The following ARHGAP15 variants were observed in gnomAD, a reference collection of about 807,000 sequenced individuals.
The protein encoded by ARHGAP15 is rho GTPase-activating protein 15.
A neutral mutation model predicts 63.7 loss-of-function variants in ARHGAP15; 51 were observed. That is an observed-to-expected ratio of 0.80 (90% CI 0.64 to 1.01). The LOEUF is 1.01. Among genes scored for constraint, ARHGAP15 ranks in the 50% least tolerant of loss-of-function variants. The pLI is 0.00. For missense variants in ARHGAP15, 560 were observed against 564.6 expected, an observed-to-expected ratio of 0.99 and a Z score of 0.08; for synonymous variants, 191 against 193.8, an observed-to-expected ratio of 0.99 and a Z score of 0.12.
intron 6 of ARHGAP15, among the ~76,000 whole-genome samples, chr2:143,300,878 C>T (rs1193208128): frequency 2.6e-5 from 4 of 152,082 alleles, no homozygotes; most frequent in South Asian, 2.1e-4. Flanking sequence ...ACCTGTCTCT[C>T]AGAGGGAACT....
chr2:143,218,162 TGTTACA>T (rs1197708522), intron 4 of ARHGAP15, among the ~76,000 whole-genome samples: 1 of 152,214 alleles, frequency 6.6e-6, no homozygotes, highest in Non-Finnish European at 1.5e-5. Flanking sequence ...CTGTTTTCCG[TGTTACA>T]GTTAAATTAA....
At chr2:143,183,903 T>G (rs1574061844) in intron 2 of ARHGAP15, among the ~76,000 whole-genome samples, 1 of 152,242 alleles carries the variant, frequency 6.6e-6, no homozygotes, top group East Asian at 1.9e-4. Context: ...AATGTAAGAT[T>G]AGGCAAACCA....
intron 6 of ARHGAP15, among the ~76,000 whole-genome samples, chr2:143,376,268 A>T (rs1686803574): frequency 6.6e-6 from 1 of 152,216 alleles, no homozygotes; most frequent in Admixed American, 6.5e-5. Context: ...AAAATCAATT[A>T]ACTAAAATTC....
chr2:143,486,529 T>A (rs778262699), intron 8 of ARHGAP15, among the ~76,000 whole-genome samples: 2 of 151,954 alleles, frequency 1.3e-5, no homozygotes, highest in Non-Finnish European at 2.9e-5. Context: ...ATCACACCAC[T>A]ACACTCCAGC....
chr2:143,163,978 C>G (rs1574032866), intron 2 of ARHGAP15, among the ~76,000 whole-genome samples: 1 of 152,142 alleles, frequency 6.6e-6, no homozygotes, highest in East Asian at 1.9e-4. Context: ...GAAACCCATC[C>G]CTAAACGGTT....
chr2:143,510,018 T>TAAAAAAAAAAAAAAAAAAAAAAAAA (rs35469918), intron 9 of ARHGAP15, among the ~76,000 whole-genome samples: 2 of 48,826 alleles, frequency 4.1e-5, no homozygotes, highest in African/African-American at 7.8e-5. Context: ...GACTCCCTCT[T>TAAAAAAAAAAAAAAAAAAAAAAAAA]AAAAAAAAAA....
Position 143,519,380 on chromosome 2 carries a change from T to C in ARHGAP15, c.925+16T>C. On this transcript the variant is annotated intron_variant, in intron 10 of 13. Transcript: ENST00000295095. Reference sequence around the variant, plus strand: ...GAGAAAAGAGGTGGGTGACTGAATGTGCAGCAGTTCCCCCCATTACTGCAC... The same window carrying C: ...GAGAAAAGAGGTGGGTGACTGAATGCGCAGCAGTTCCCCCCATTACTGCAC... 2 of 1,598,948 alleles carry C rather than the reference T, an allele frequency of 1.3e-6. No homozygotes were observed. Among genetic ancestry groups the C allele is most frequent in the South Asian group, 1.1e-5 (1 of 90,680 alleles).
chr2:143,468,889 T>A (rs1691380412), intron 8 of ARHGAP15, among the ~76,000 whole-genome samples: 1 of 152,152 alleles, frequency 6.6e-6, no homozygotes, highest in South Asian at 2.1e-4. Flanking sequence ...TATTCTGTAG[T>A]CAAGTAGACA....
At chr2:143,748,292 C>T (rs1235437114) in intron 13 of ARHGAP15, among the ~76,000 whole-genome samples, 1 of 152,100 alleles carries the variant, frequency 6.6e-6, no homozygotes. Flanking sequence ...AAGTGACATC[C>T]TAAGCTGTTG....
At chr2:143,240,263 C>T (rs566609789) in intron 5 of ARHGAP15, among the ~76,000 whole-genome samples, 16 of 151,868 alleles carry the variant, frequency 1.1e-4, no homozygotes, top group African/African-American at 3.9e-4. Flanking sequence ...GAGTAATGAA[C>T]ACACACATTA....
chr2:143,447,655 C>G (rs1405907628), intron 8 of ARHGAP15, among the ~76,000 whole-genome samples: 3 of 152,202 alleles, frequency 2.0e-5, no homozygotes, highest in African/African-American at 7.2e-5. Flanking sequence ...ATCCCCATCA[C>G]TCAGAACAGA....
At chr2:143,249,396 C>G (rs1175242287) in intron 5 of ARHGAP15, among the ~76,000 whole-genome samples, 1 of 152,036 alleles carries the variant, frequency 6.6e-6, no homozygotes, top group Non-Finnish European at 1.5e-5. Context: ...TAAGAGGCAA[C>G]AAACATGGAC....
chr2:143,247,337 C>G (rs1045422822), intron 5 of ARHGAP15: 10 of 152,630 alleles, frequency 6.6e-5, no homozygotes, highest in African/African-American at 1.9e-4. Context: ...GAGCCCGCTG[C>G]TGCTGGTGCA....
chr2:143,565,086 A>G (rs1187186019), intron 11 of ARHGAP15, among the ~76,000 whole-genome samples: 1 of 152,182 alleles, frequency 6.6e-6, no homozygotes, highest in African/African-American at 2.4e-5. Flanking sequence ...CTTAAGAAAA[A>G]TTAAATAACT....
chr2:143,330,826 T>C (rs958019038), intron 6 of ARHGAP15, among the ~76,000 whole-genome samples: 1 of 152,222 alleles, frequency 6.6e-6, no homozygotes, highest in Non-Finnish European at 1.5e-5. Context: ...TGGATGTCCA[T>C]AGGGAAAGTA....
chr2:143,346,717 A>G (rs1338822981), intron 6 of ARHGAP15, among the ~76,000 whole-genome samples: 3 of 152,122 alleles, frequency 2.0e-5, no homozygotes, highest in Admixed American at 6.6e-5. Context: ...GAGACTTCAC[A>G]TTATTTTGTC....
intron 10 of ARHGAP15, among the ~76,000 whole-genome samples, chr2:143,522,402 C>T (rs573629421): frequency 1.8e-4 from 28 of 152,212 alleles, no homozygotes; most frequent in Non-Finnish European, 8.8e-5. Flanking sequence ...CCTTTATAGT[C>T]GTAGAGCATG....
At position 143,181,042 on chromosome 2, in the gene ARHGAP15, A is replaced by G. The variant is rs142341806; in HGVS notation, c.166-21092A>G. On this transcript the variant is annotated intron_variant, in intron 2 of 13. Transcript: ENST00000295095. Reference sequence around the variant, plus strand: ...ACTTGATCCATGAGCTGCAGAATGGATGTTAGCAAGCATGAGAACAACATT... The same window carrying G: ...ACTTGATCCATGAGCTGCAGAATGGGTGTTAGCAAGCATGAGAACAACATT... 3.0e-3 allele frequency among the ~76,000 whole-genome samples: 460 copies of G among 152,310 alleles called. 3 individuals carry two copies. The highest frequency in any genetic ancestry group is 0.011 in the African/African-American group (447 of 41,562).
intron 12 of ARHGAP15, among the ~76,000 whole-genome samples, chr2:143,662,202 C>T (rs1681847391): frequency 6.6e-6 from 1 of 152,126 alleles, no homozygotes; most frequent in South Asian, 2.1e-4. Flanking sequence ...GTTCTCCCAG[C>T]ATGCAGCTGG....
Sources: allele counts gnomAD v4.1 joint callset (sites outside exome capture counted in the v4.1 genomes callset), GRCh38; gene constraint gnomAD v4.1.1; transcripts MANE v1.5; gene names NCBI Gene and HGNC (gene_info 2026-07-23, HGNC 2026-07-21).